The following EPC1 variants were observed in gnomAD, a reference collection of about 807,000 sequenced individuals.
EPC1 encodes enhancer of polycomb homolog 1.
EPC1 carries 12 observed loss-of-function variants against 98.4 expected under a neutral mutation model. The ratio of observed to expected loss-of-function variants is 0.12; its 90% confidence interval spans 0.08 to 0.20. The LOEUF is 0.20. Among genes scored for constraint, EPC1 ranks in the 10% least tolerant of loss-of-function variants. The pLI is 1.00. For missense variants in EPC1, 729 were observed against 990.5 expected (o/e 0.74, Z 3.54); for synonymous variants, 357 against 363.9 (o/e 0.98, Z 0.21).
At chr10:32,302,386 G>T (rs939300699) in intron 2 of EPC1, among the ~76,000 whole-genome samples, 4 of 152,090 alleles carry the variant, frequency 2.6e-5, no homozygotes. Flanking sequence ...GGTGGCTCAT[G>T]CCTATCATCC....
In EPC1 at chr10:32,344,457, CAT is replaced by C. The variant is rs570452076; in HGVS notation, c.153+2304_153+2305del. On this transcript the variant is annotated intron_variant, in intron 1 of 13. Coordinates refer to ENST00000319778, the MANE Select transcript of EPC1 (RefSeq NM_001272004.3). ...CTGTGTTTCAAAATTAGGGACTCCACATGTTACAAACTATTGATAGCCACTGC... is the reference window on the plus strand; with the variant it reads ...CTGTGTTTCAAAATTAGGGACTCCACGTTACAAACTATTGATAGCCACTGC... Among the ~76,000 whole-genome samples the C allele has an allele frequency of 2.9e-4, 44 of 152,308 alleles. No homozygotes were observed. The East Asian group carries it at 7.3e-3, about 25-fold the overall frequency.
chr10:32,328,819 T>C (rs1564549756), intron 1 of EPC1, among the ~76,000 whole-genome samples: 1 of 152,188 alleles, frequency 6.6e-6, no homozygotes, highest in Non-Finnish European at 1.5e-5. Context: ...ATTGGGGTTA[T>C]CCTGTCCCTG....
intron 1 of EPC1, 143 bp from the exon 2 acceptor site, chr10:32,306,074 G>A (rs146968469): frequency 5.8e-4 from 387 of 669,218 alleles, no homozygotes; most frequent in Non-Finnish European, 7.7e-4. Context: ...TTGTTAACAC[G>A]ATACAACTAG....
At chr10:32,337,300 G>C (rs921073797) in intron 1 of EPC1, among the ~76,000 whole-genome samples, 1 of 152,182 alleles carries the variant, frequency 6.6e-6, no homozygotes, top group Non-Finnish European at 1.5e-5. Flanking sequence ...TGGTTAGTGG[G>C]AATGTGTAGC....
At chr10:32,299,727 A>T (rs1436908620) in intron 2 of EPC1, among the ~76,000 whole-genome samples, 1 of 152,154 alleles carries the variant, frequency 6.6e-6, no homozygotes, top group East Asian at 1.9e-4. Flanking sequence ...GTTCCTCATA[A>T]GTAATGACAA....
chr10:32,305,537 C>T (rs1482041906), intron 2 of EPC1, among the ~76,000 whole-genome samples: 4 of 150,462 alleles, frequency 2.7e-5, no homozygotes, highest in Non-Finnish European at 5.9e-5. Context: ...TTGACTAAAG[C>T]AGCATAAGAT....
rs79028149 is a variant in EPC1, at chr10:32,280,878, G to A, written c.1744+3820C>T. Among the ~76,000 whole-genome samples the A allele has an allele frequency of 4.0e-3, 613 of 152,226 alleles. 7 individuals are homozygous for A. The highest frequency in any genetic ancestry group is 0.014 in the African/African-American group (581 of 41,520). On this transcript the variant is annotated intron_variant, in intron 10 of 13. Transcript: ENST00000319778. ...TAACTTCCAAACTCATAAACAACTTGGGCATCTCTAATATGAACGTCTGAA... is the reference window on the plus strand; with the variant it reads ...TAACTTCCAAACTCATAAACAACTTAGGCATCTCTAATATGAACGTCTGAA...
intron 1 of EPC1, among the ~76,000 whole-genome samples, chr10:32,375,568 T>C (rs1839854399): frequency 6.6e-6 from 1 of 152,088 alleles, no homozygotes; most frequent in Admixed American, 6.5e-5. Context: ...TCTAATTTGA[T>C]TTACAGATTC....
chr10:32,271,093 G>A (rs1835820740), intron 13 of EPC1, among the ~76,000 whole-genome samples: 1 of 151,778 alleles, frequency 6.6e-6, no homozygotes, highest in South Asian at 2.1e-4. Context: ...CCAGGTTCAA[G>A]CGATTCTCCT....
At chr10:32,350,846 G>A (rs1310793821), upstream of EPC1, among the ~76,000 whole-genome samples, 1 of 152,146 alleles carries the variant, frequency 6.6e-6, no homozygotes, top group African/African-American at 2.4e-5. Context: ...TTTATGTTCG[G>A]TATGTATCCA....
At chr10:32,360,160 TC>T (rs1424985474) in intron 1 of EPC1, among the ~76,000 whole-genome samples, 1 of 152,280 alleles carries the variant, frequency 6.6e-6, no homozygotes, top group Non-Finnish European at 1.5e-5. Flanking sequence ...TATGTTTGTA[TC>T]ATTAGTAATT....
chr10:32,274,458 A>G (rs1438528565), intron 10 of EPC1, among the ~76,000 whole-genome samples: 5 of 152,190 alleles, frequency 3.3e-5, no homozygotes, highest in Admixed American at 1.3e-4. Flanking sequence ...ACAACTAGAA[A>G]ATTAGGTTAG....
intron 2 of EPC1, 81 bp downstream of exon 2, chr10:32,305,691 C>G: frequency 1.6e-6 from 2 of 1,237,838 alleles, no homozygotes; most frequent in South Asian, 3.9e-5. Context: ...AACAAAAACG[C>G]TCCTGAAGAG....
At chr10:32,276,874 T>C (rs1021746475) in intron 10 of EPC1, among the ~76,000 whole-genome samples, 3 of 152,200 alleles carry the variant, frequency 2.0e-5, no homozygotes, top group African/African-American at 7.2e-5. Context: ...AGAATCAAGT[T>C]TGTAATTCCC....
intron 10 of EPC1, chr10:32,273,884 G>A (rs555381257): frequency 6.6e-6 from 1 of 152,048 alleles, no homozygotes; most frequent in East Asian, 1.9e-4. Context: ...AGGCTCTAAT[G>A]TTAAGGTTAA....
chr10:32,272,879 G>T (rs2132640598), intron 11 of EPC1: 1 of 670,646 alleles, frequency 1.5e-6, no homozygotes, highest in East Asian at 2.6e-5. Context: ...AATGAACTGG[G>T]TGGGGTTATA....
At chr10:32,339,053 C>A (rs140889975) in intron 1 of EPC1, among the ~76,000 whole-genome samples, 2,064 of 152,204 alleles carry the variant, frequency 0.014, 47 homozygotes, top group African/African-American at 0.047. Flanking sequence ...CCAATTACAT[C>A]TTTAAATCCT....
At chr10:32,336,767 T>C (rs1838001732) in intron 1 of EPC1, among the ~76,000 whole-genome samples, 1 of 152,150 alleles carries the variant, frequency 6.6e-6, no homozygotes, top group Non-Finnish European at 1.5e-5. Flanking sequence ...AAAAAGTTCC[T>C]GTTGGAATTA....
At chr10:32,291,718 C>T (rs534383249) in intron 5 of EPC1, 1 of 152,650 alleles carries the variant, frequency 6.6e-6, no homozygotes, top group Admixed American at 6.5e-5. Flanking sequence ...AACTAGCTGA[C>T]TGAGATATAA....
Sources: gnomAD v4.1 joint callset for allele counts (sites outside exome capture counted in the v4.1 genomes callset) on GRCh38, gnomAD v4.1.1 for gene constraint, MANE v1.5 for transcripts, NCBI Gene and HGNC (gene_info 2026-07-23, HGNC 2026-07-21) for gene names.